The following NEGR1 variants were observed in gnomAD, a reference collection of about 807,000 sequenced individuals.
NEGR1 encodes neuronal growth regulator 1, also known as IgLON family member 4.
A neutral mutation model predicts 40.9 loss-of-function variants in NEGR1; 10 were observed. That is an observed-to-expected ratio of 0.24 (90% CI 0.15 to 0.42). The LOEUF (loss-of-function observed/expected upper bound fraction) is 0.42, where lower values mean the gene tolerates loss of function less well. Among genes scored for constraint, NEGR1 ranks in the 10% least tolerant of loss-of-function variants. NEGR1 has a pLI of 1.00. For missense variants in NEGR1, 352 were observed against 438.9 expected, an observed-to-expected ratio of 0.80 and a Z score of 1.77; for synonymous variants, 185 against 166.8, an observed-to-expected ratio of 1.11 and a Z score of -0.84.
chr1:72,254,390 C>G (rs1039602669), intron 1 of NEGR1, among the ~76,000 whole-genome samples: 3 of 152,082 alleles, frequency 2.0e-5, no homozygotes, highest in African/African-American at 7.2e-5. Context: ...ATCGCTCCCA[C>G]TTCATGTACA....
intron 3 of NEGR1, among the ~76,000 whole-genome samples, chr1:71,759,099 T>C (rs1655844824): frequency 6.6e-6 from 1 of 152,114 alleles, no homozygotes; most frequent in Non-Finnish European, 1.5e-5. Flanking sequence ...AAGTGCTGAA[T>C]AAATAATACT....
intron 2 of NEGR1, among the ~76,000 whole-genome samples, chr1:71,851,655 T>A (rs1659605526): frequency 6.6e-6 from 1 of 152,108 alleles, no homozygotes; most frequent in Admixed American, 6.6e-5. Flanking sequence ...GGTAGCTGAT[T>A]GGAGGAAGAG....
intron 6 of NEGR1, among the ~76,000 whole-genome samples, chr1:71,424,096 A>AG (rs397779596): frequency 1.3e-5 from 2 of 150,640 alleles, no homozygotes; most frequent in African/African-American, 4.9e-5. Context: ...AAAAAAAAAA[A>AG]CCTTTAAAAT....
intron 2 of NEGR1, among the ~76,000 whole-genome samples, chr1:71,812,070 A>C (rs1242969420): frequency 6.6e-6 from 1 of 151,636 alleles, no homozygotes; most frequent in Non-Finnish European, 1.5e-5. Flanking sequence ...CCAACAGGCC[A>C]CAGTGTGTGT....
intron 2 of NEGR1, among the ~76,000 whole-genome samples, chr1:71,879,801 G>T (rs1406929443): frequency 2.6e-5 from 4 of 152,076 alleles, no homozygotes; most frequent in Non-Finnish European, 5.9e-5. Context: ...AACACTAAAT[G>T]ATACTTAGTT....
At chr1:71,439,008 A>C (rs1646528938) in intron 6 of NEGR1, among the ~76,000 whole-genome samples, 1 of 152,136 alleles carries the variant, frequency 6.6e-6, no homozygotes, top group Non-Finnish European at 1.5e-5. Context: ...ATAACTGTTC[A>C]CTATTCCCAG....
intron 2 of NEGR1, among the ~76,000 whole-genome samples, chr1:71,868,816 C>T (rs2101830907): frequency 6.6e-6 from 1 of 152,024 alleles, no homozygotes; most frequent in Non-Finnish European, 1.5e-5. Flanking sequence ...TCTCACTGAC[C>T]TAATACTCTC....
Position 72,232,152 on chromosome 1 carries a change from G to A in NEGR1, c.176+50167C>T, listed in dbSNP as rs191585077. Among the ~76,000 whole-genome samples, 4 of 152,028 alleles carry A rather than the reference G, an allele frequency of 2.6e-5. No individual in the cohort carries two copies. The East Asian group carries it at 5.8e-4, about 22-fold the overall frequency. ...GGGCGGATCACAAGGTCAGGAATTC[G>A]AGACCAGCTTGGCCGATATGGTGAA... is the stretch of plus-strand genomic sequence containing the variant. On this transcript the variant is annotated intron_variant, in intron 1 of 6. Coordinates refer to ENST00000357731, the MANE Select transcript of NEGR1 (RefSeq NM_173808.3).
intron 1 of NEGR1, among the ~76,000 whole-genome samples, chr1:72,022,494 CAGAT>C (rs1456689369): frequency 2.0e-5 from 3 of 147,966 alleles, no homozygotes; most frequent in Non-Finnish European, 4.5e-5. Context: ...AACCAATAAA[CAGAT>C]AGATATAATA....
chr1:71,725,979 C>T (rs545209313), intron 3 of NEGR1, among the ~76,000 whole-genome samples: 1 of 152,190 alleles, frequency 6.6e-6, no homozygotes, highest in East Asian at 1.9e-4. Flanking sequence ...AAAATGCCAT[C>T]CTCAACAAGT....
At chr1:71,888,339 G>T (rs987966721) in intron 2 of NEGR1, among the ~76,000 whole-genome samples, 76 of 152,192 alleles carry the variant, frequency 5.0e-4, no homozygotes, top group Admixed American at 1.7e-3. Flanking sequence ...CCAGACAGTG[G>T]GCGCAGGCCA....
At chr1:72,180,392 G>GC (rs959141079) in intron 1 of NEGR1, among the ~76,000 whole-genome samples, 1 of 150,916 alleles carries the variant, frequency 6.6e-6, no homozygotes, top group Admixed American at 6.7e-5. Flanking sequence ...AAACTTCTGG[G>GC]CATTGGCCAT....
At chr1:71,621,246 C>T (rs893955919) in intron 4 of NEGR1, among the ~76,000 whole-genome samples, 7 of 151,722 alleles carry the variant, frequency 4.6e-5, no homozygotes, top group Admixed American at 2.0e-4. Context: ...CTTTTTTTAG[C>T]GTAATCAAGA....
intron 1 of NEGR1, among the ~76,000 whole-genome samples, chr1:72,177,181 A>C (rs532910091): frequency 6.6e-6 from 1 of 152,084 alleles, no homozygotes; most frequent in African/African-American, 2.4e-5. Context: ...TGTTACTACT[A>C]TTTCACAAAT....
chr1:71,580,749 A>G (rs1411841718), intron 6 of NEGR1, among the ~76,000 whole-genome samples: 3 of 152,174 alleles, frequency 2.0e-5, no homozygotes, highest in Admixed American at 1.3e-4. Context: ...TTCCACCTCT[A>G]TGTGAGCTAG....
chr1:72,147,733 G>A, intron 1 of NEGR1, among the ~76,000 whole-genome samples: 1 of 152,242 alleles, frequency 6.6e-6, no homozygotes, highest in South Asian at 2.1e-4. Flanking sequence ...ATACAATGGG[G>A]TTGCAGGTAT....
intron 6 of NEGR1, among the ~76,000 whole-genome samples, chr1:71,530,901 G>C (rs1300804213): frequency 6.6e-6 from 1 of 151,264 alleles, no homozygotes; most frequent in African/African-American, 2.4e-5. Context: ...GTGTGTATGT[G>C]TGTGTGTGTA....
At chr1:72,266,724 A>ACAC (rs1553155173) in intron 1 of NEGR1, among the ~76,000 whole-genome samples, 2 of 133,726 alleles carry the variant, frequency 1.5e-5, no homozygotes, top group Non-Finnish European at 3.3e-5. Context: ...TAGACAGATA[A>ACAC]ACACACACAC....
At chr1:71,472,989 G>A (rs934954735) in intron 6 of NEGR1, among the ~76,000 whole-genome samples, 39 of 151,918 alleles carry the variant, frequency 2.6e-4, no homozygotes, top group African/African-American at 7.0e-4. Flanking sequence ...AATTCAGAGC[G>A]AAAGTGATAA....
Sources: allele counts gnomAD v4.1 joint callset (sites outside exome capture counted in the v4.1 genomes callset), GRCh38; gene constraint gnomAD v4.1.1; transcripts MANE v1.5; gene names NCBI Gene and HGNC (gene_info 2026-07-23, HGNC 2026-07-21).